Variants in SPAG9 observed in about 807,000 individuals in gnomAD.
The protein encoded by SPAG9 is C-Jun-amino-terminal kinase-interacting protein 4.
A neutral mutation model predicts 166.5 loss-of-function variants in SPAG9; 35 were observed. The ratio of observed to expected loss-of-function variants is 0.21; its 90% CI spans 0.16 to 0.28. The LOEUF (loss-of-function observed/expected upper bound fraction) is 0.28. SPAG9 is among the 10% of genes least tolerant of loss of function. The pLI, the probability that SPAG9 is intolerant of heterozygous loss-of-function variation, is 1.00. For missense variants in SPAG9, 1,235 were observed against 1,603.3 expected, an observed-to-expected ratio of 0.77 and a Z score of 3.92; for synonymous variants, 534 against 565.5, an observed-to-expected ratio of 0.94 and a Z score of 0.79.
intron 9 of SPAG9, 54 bp from the exon 10 acceptor site, chr17:51,007,380 T>G: frequency 2.1e-6 from 2 of 944,370 alleles, no homozygotes; most frequent in Non-Finnish European, 3.2e-6. Flanking sequence ...AATAATTATA[T>G]ACATTTAAAA....
chr17:50,992,373 G>A (rs57935891), intron 19 of SPAG9, among the ~76,000 whole-genome samples: 23,655 of 152,110 alleles, frequency 0.16, 1,868 homozygotes, highest in East Asian at 0.19. Flanking sequence ...CTACCTAGAG[G>A]ATAATGTATT....
intron 6 of SPAG9, among the ~76,000 whole-genome samples, chr17:51,023,821 T>C (rs987721536): frequency 6.6e-6 from 1 of 152,100 alleles, no homozygotes; most frequent in Admixed American, 6.5e-5. Context: ...TGCGTCACCA[T>C]GCCCCACTAA....
At chr17:50,978,511 C>A (rs1974351538) in intron 26 of SPAG9, among the ~76,000 whole-genome samples, 1 of 152,038 alleles carries the variant, frequency 6.6e-6, no homozygotes, top group Non-Finnish European at 1.5e-5. Context: ...GGGAACAAGA[C>A]AATGATGGTC....
intron 12 of SPAG9, among the ~76,000 whole-genome samples, chr17:51,003,215 G>A (rs146853277): frequency 4.5e-4 from 68 of 152,122 alleles, no homozygotes; most frequent in Non-Finnish European, 8.8e-4. Context: ...CCTCCAGCCT[G>A]GAGGAGTGAC....
chr17:50,994,206 A>AC (rs1204171492), intron 18 of SPAG9, among the ~76,000 whole-genome samples: 2 of 152,132 alleles, frequency 1.3e-5, no homozygotes, highest in Admixed American at 6.5e-5. Context: ...TATTCTCGTG[A>AC]TAGTGAATAA....
chr17:51,102,460 G>T (rs1035163770), intron 1 of SPAG9, among the ~76,000 whole-genome samples: 1 of 150,474 alleles, frequency 6.6e-6, no homozygotes, highest in African/African-American at 2.4e-5. Context: ...GAGAAGAAAC[G>T]AAGAGTTAAA....
intron 9 of SPAG9, among the ~76,000 whole-genome samples, chr17:51,010,421 C>G (rs981762914): frequency 2.0e-5 from 3 of 151,686 alleles, no homozygotes; most frequent in Non-Finnish European, 4.4e-5. Flanking sequence ...TCCAGGGAGA[C>G]AGATAACTAA....
At chr17:50,974,581 T>G (rs972562198) in intron 28 of SPAG9, among the ~76,000 whole-genome samples, 190 bp downstream of exon 28, 1 of 152,182 alleles carries the variant, frequency 6.6e-6, no homozygotes, top group African/African-American at 2.4e-5. Flanking sequence ...GTGGGAGAGA[T>G]ATTCCAAAGT....
At position 50,964,278 on chromosome 17, in the gene SPAG9, T is replaced by G. The variant is rs1375022735; in HGVS notation, c.*1994A>C. On this transcript the variant is annotated 3_prime_UTR_variant, in exon 30 of 30. Transcript: ENST00000262013. The stretch of plus-strand genomic sequence containing the variant: ...CCATAGGTTTATACTGTTAAAACAG[T>G]ACATAAAATTACATTTAGCTTTGCT... 1.3e-5 allele frequency: 2 copies of G among 152,198 alleles called. No individual in the cohort carries two copies. Among genetic ancestry groups the G allele is most frequent in the Non-Finnish European group, 2.9e-5 (2 of 68,042 alleles). 9.4% of individuals were successfully genotyped at this position (152,198 alleles called of 1,614,324 possible). A position where few individuals can be genotyped will look rare whatever the true frequency, so the allele number is the denominator to read the frequency against.
chr17:51,061,157 T>G (rs930894108), intron 2 of SPAG9, among the ~76,000 whole-genome samples: 2 of 151,810 alleles, frequency 1.3e-5, no homozygotes, highest in African/African-American at 4.8e-5. Flanking sequence ...AGAGAAGCTT[T>G]TATATAAGAT....
chr17:51,059,141 A>G (rs1011942759), intron 2 of SPAG9, among the ~76,000 whole-genome samples: 22 of 152,226 alleles, frequency 1.4e-4, no homozygotes, highest in African/African-American at 5.3e-4. Context: ...CAGAAACAAA[A>G]GAATACAAAA....
intron 8 of SPAG9, among the ~76,000 whole-genome samples, chr17:51,017,682 T>C (rs1041468363): frequency 6.6e-6 from 1 of 152,210 alleles, no homozygotes; most frequent in Non-Finnish European, 1.5e-5. Flanking sequence ...CATAAGGTTG[T>C]AATTAGGATC....
intron 4 of SPAG9, among the ~76,000 whole-genome samples, chr17:51,044,149 T>C (rs1430818894): frequency 6.6e-6 from 1 of 152,204 alleles, no homozygotes; most frequent in Admixed American, 6.5e-5. Context: ...CTTACTTTAC[T>C]TACAAATTAC....
chr17:50,989,160 G>A (rs1316312460), intron 21 of SPAG9, among the ~76,000 whole-genome samples: 1 of 152,168 alleles, frequency 6.6e-6, no homozygotes, highest in East Asian at 1.9e-4. Flanking sequence ...ATATGGTGGT[G>A]GTTCCACAAG....
At chr17:51,048,252 AGTT>A (rs2047085471) in intron 3 of SPAG9, among the ~76,000 whole-genome samples, 1 of 152,104 alleles carries the variant, frequency 6.6e-6, no homozygotes, top group Admixed American at 6.5e-5. Flanking sequence ...GATAATATAT[AGTT>A]TCACTTTTAA....
At chr17:51,052,672 G>A (rs1315815921) in intron 3 of SPAG9, among the ~76,000 whole-genome samples, 1 of 151,562 alleles carries the variant, frequency 6.6e-6, no homozygotes, top group Non-Finnish European at 1.5e-5. Flanking sequence ...TTTAAAATTA[G>A]TATGTCAGGC....
intron 2 of SPAG9, among the ~76,000 whole-genome samples, chr17:51,074,979 C>CT (rs1218907642): frequency 6.6e-6 from 1 of 151,560 alleles, no homozygotes; most frequent in Non-Finnish European, 1.5e-5. Context: ...GGTGGATCAA[C>CT]TGAGGTCAGG....
intron 9 of SPAG9, among the ~76,000 whole-genome samples, chr17:51,010,232 T>C (rs2045411117): frequency 6.6e-6 from 1 of 152,150 alleles, no homozygotes; most frequent in Non-Finnish European, 1.5e-5. Flanking sequence ...GGTACATTGC[T>C]CTCTTACAAA....
intron 5 of SPAG9, chr17:51,032,007 T>G: frequency 5.7e-6 from 3 of 528,470 alleles, no homozygotes; most frequent in South Asian, 3.2e-5. Context: ...CACCACTTTA[T>G]GAAATCTTCC....
Sources: allele counts gnomAD v4.1 joint callset (sites outside exome capture counted in the v4.1 genomes callset), GRCh38; gene constraint gnomAD v4.1.1; transcripts MANE v1.5; gene names NCBI Gene and HGNC (gene_info 2026-07-23, HGNC 2026-07-21).